Variants in CABIN1 observed in about 807,000 individuals in gnomAD.
CABIN1 encodes the protein calcineurin binding protein 1.
CABIN1 carries 133 observed loss-of-function variants against 227.7 expected under a neutral mutation model. The observed-to-expected ratio is 0.58, with a 90% CI of 0.51 to 0.67. The LOEUF is 0.67. CABIN1 is among the 30% of genes least tolerant of loss of function. The pLI is 0.00. For synonymous variants in CABIN1, 1,086 were observed against 1,155.1 expected, an observed-to-expected ratio of 0.94 and a Z score of 1.21; for missense variants, 2,408 against 2,852.5, an observed-to-expected ratio of 0.84 and a Z score of 3.55.
chr22:24,057,226 G>T (rs2038870950), intron 10 of CABIN1, among the ~76,000 whole-genome samples: 1 of 148,714 alleles, frequency 6.7e-6, no homozygotes, highest in African/African-American at 2.4e-5. Context: ...ATGAGCCACG[G>T]CGCCCGGCCA....
At chr22:24,091,493 A>C in intron 23 of CABIN1, 90 bp from the exon 24 acceptor site, 1 of 1,541,232 alleles carries the variant, frequency 6.5e-7, no homozygotes, top group Non-Finnish European at 9.0e-7. Flanking sequence ...TAAACTTGCA[A>C]ATAGGTCGGC....
intron 27 of CABIN1, among the ~76,000 whole-genome samples, chr22:24,114,229 G>C (rs2147809524): frequency 6.6e-6 from 1 of 152,296 alleles, no homozygotes; most frequent in South Asian, 2.1e-4. Flanking sequence ...TAAGCCTGGG[G>C]GTGTGCCCAA....
chr22:24,171,869 G>A lies in CABIN1; in HGVS notation c.5914G>A (p.Ala1972Thr). ...AHTKPRPALA[A>T]ATTIITCPPS... ...CACCAAGCCTCGCCCTGCACTAGCTGCCGCCACAACTATTATCACCTGCCC... is the reference window on the plus strand; with the variant it reads ...CACCAAGCCTCGCCCTGCACTAGCTACCGCCACAACTATTATCACCTGCCC... Residue 1972 changes from alanine to threonine, a missense_variant, in exon 34 of 37, where the codon GCC becomes ACC. Ala to Thr is a moderately conservative substitution (Grantham distance 58). Transcript: ENST00000263119. The A allele has an allele frequency of 6.2e-7, 1 of 1,614,064 alleles. No homozygotes were observed. Among genetic ancestry groups the A allele is most frequent in the Non-Finnish European group, 8.5e-7 (1 of 1,180,038 alleles).
chr22:24,067,572 A>G (rs1430864839), intron 16 of CABIN1, among the ~76,000 whole-genome samples: 1 of 152,260 alleles, frequency 6.6e-6, no homozygotes, highest in Non-Finnish European at 1.5e-5. Context: ...AAGAATCAAG[A>G]TAAAATAAAG....
intron 17 of CABIN1, among the ~76,000 whole-genome samples, chr22:24,071,985 G>A (rs1162755626): frequency 6.6e-6 from 1 of 151,946 alleles, no homozygotes; most frequent in Non-Finnish European, 1.5e-5. Flanking sequence ...GAGCCATTGT[G>A]GCTGCATCTG....
At chr22:24,062,545 G>T (rs2039275455) in intron 13 of CABIN1, among the ~76,000 whole-genome samples, 1 of 151,854 alleles carries the variant, frequency 6.6e-6, no homozygotes, top group Admixed American at 6.6e-5. Context: ...TTTTGGCAGA[G>T]ATGGGGTTTC....
intron 15 of CABIN1, among the ~76,000 whole-genome samples, chr22:24,064,739 A>G (rs1396781132): frequency 6.6e-6 from 1 of 152,078 alleles, no homozygotes; most frequent in African/African-American, 2.4e-5. Context: ...TGCTGCCTTC[A>G]AGCATCTGTT....
chr22:24,036,941 C>T (rs1327842398), intron 3 of CABIN1, among the ~76,000 whole-genome samples: 1 of 152,196 alleles, frequency 6.6e-6, no homozygotes, highest in Admixed American at 6.5e-5. Context: ...AATGATCAGG[C>T]TATGGCAGAG....
intron 26 of CABIN1, among the ~76,000 whole-genome samples, chr22:24,109,712 G>A (rs1569228685): frequency 6.6e-6 from 1 of 152,162 alleles, no homozygotes; most frequent in Non-Finnish European, 1.5e-5. Context: ...ATGGACCTCT[G>A]TGAGATGATA....
At chr22:24,018,574 G>C (rs1286464568) in intron 1 of CABIN1, among the ~76,000 whole-genome samples, 2 of 152,144 alleles carry the variant, frequency 1.3e-5, no homozygotes, top group East Asian at 1.9e-4. Context: ...GATTTGAGAT[G>C]CCATCTTTGC....
intron 17 of CABIN1, among the ~76,000 whole-genome samples, chr22:24,071,680 C>T (rs1443520533): frequency 2.0e-5 from 3 of 152,212 alleles, no homozygotes; most frequent in Admixed American, 2.0e-4. Flanking sequence ...CGCTTTCCAG[C>T]CACAGAGGCA....
chr22:24,170,039 C>T (rs1158860222), intron 33 of CABIN1: 2 of 441,298 alleles, frequency 4.5e-6, no homozygotes, highest in African/African-American at 4.0e-5. Flanking sequence ...CGACGCCAGG[C>T]CAGGCCCCAG....
At chr22:24,040,721 C>T (rs2037299388) in intron 4 of CABIN1, among the ~76,000 whole-genome samples, 1 of 152,222 alleles carries the variant, frequency 6.6e-6, no homozygotes, top group Non-Finnish European at 1.5e-5. Context: ...CTCTTGATTC[C>T]TAATCCTGGA....
intron 29 of CABIN1, among the ~76,000 whole-genome samples, chr22:24,149,934 A>G (rs1245766275): frequency 2.6e-5 from 4 of 152,062 alleles, no homozygotes; most frequent in Non-Finnish European, 2.9e-5. Context: ...TTAGGCCCAG[A>G]CTCCATACAG....
intron 6 of CABIN1, among the ~76,000 whole-genome samples, chr22:24,045,188 T>C (rs2037761826): frequency 6.6e-6 from 1 of 152,262 alleles, no homozygotes; most frequent in South Asian, 2.1e-4. Flanking sequence ...CCTCCCAAAG[T>C]GCTGGGCTTA....
intron 15 of CABIN1, among the ~76,000 whole-genome samples, chr22:24,065,221 C>T (rs1462291628): frequency 1.5e-4 from 23 of 151,274 alleles, no homozygotes; most frequent in Non-Finnish European, 2.1e-4. Context: ...GGGCGGCTGC[C>T]GGTTGGAGGG....
At chr22:24,138,505 A>G (rs1434555502) in intron 29 of CABIN1, among the ~76,000 whole-genome samples, 1 of 152,246 alleles carries the variant, frequency 6.6e-6, no homozygotes, top group Non-Finnish European at 1.5e-5. Flanking sequence ...ACTAGTCACA[A>G]GTCTGGGCCT....
In CABIN1 at chr22:24,067,510, G is replaced by T. The variant is rs147060910; in HGVS notation, c.2232+329G>T. Among the ~76,000 whole-genome samples the T allele has an allele frequency of 3.9e-5, 6 of 152,276 alleles. No homozygotes were observed. In the East Asian group the frequency reaches 5.8e-4, roughly 15 times the overall value. The stretch of plus-strand genomic sequence containing the variant: ...CTTGTTTATTCATCCATCTTGTTTT[G>T]TATTGCTTTTTAAGGTAAATATAAA... On this transcript the variant is annotated intron_variant, in intron 16 of 36. Transcript: ENST00000263119.
intron 6 of CABIN1, among the ~76,000 whole-genome samples, chr22:24,043,801 A>G (rs2037626934): frequency 6.6e-6 from 1 of 152,184 alleles, no homozygotes; most frequent in Admixed American, 6.5e-5. Flanking sequence ...GATGTGGGTA[A>G]GACTTGAGGT....
Sources: allele counts gnomAD v4.1 joint callset (sites outside exome capture counted in the v4.1 genomes callset), GRCh38; gene constraint gnomAD v4.1.1; transcripts MANE v1.5; gene names NCBI Gene and HGNC (gene_info 2026-07-23, HGNC 2026-07-21).